Variants in ATG10 observed in about 807,000 individuals in gnomAD.
The protein encoded by ATG10 is ubiquitin-like-conjugating enzyme ATG10.
A neutral mutation model predicts 32.1 loss-of-function variants in ATG10; 30 were observed. The ratio of observed to expected loss-of-function variants is 0.94; its 90% confidence interval spans 0.70 to 1.27. The LOEUF (loss-of-function observed/expected upper bound fraction) is 1.27. ATG10 is among the 50% of genes most tolerant of loss of function. The pLI is 0.00. For missense variants in ATG10, 233 were observed against 262.3 expected (o/e 0.89, Z 0.77); for synonymous variants, 87 against 91.5 (o/e 0.95, Z 0.28).
chr5:81,994,729 A>G (rs1487817880), intron 2 of ATG10, among the ~76,000 whole-genome samples: 1 of 152,218 alleles, frequency 6.6e-6, no homozygotes, highest in Non-Finnish European at 1.5e-5. Flanking sequence ...GCAGTTTTTA[A>G]GATTCTGTCT....
At chr5:82,093,639 C>G (rs937987772) in intron 3 of ATG10, among the ~76,000 whole-genome samples, 23 of 152,078 alleles carry the variant, frequency 1.5e-4, no homozygotes, top group Admixed American at 1.3e-4. Context: ...TTCATTATAG[C>G]TCATATTCTT....
In ATG10 at chr5:82,252,568, C is replaced by G. The variant is rs1747308719; in HGVS notation, c.460C>G (p.Pro154Ala). The G allele has an allele frequency of 6.2e-7, 1 of 1,600,490 alleles. No homozygotes were observed. Among genetic ancestry groups the G allele is most frequent in the Non-Finnish European group, 8.6e-7 (1 of 1,169,216 alleles). Residue 154 changes from proline to alanine, a missense_variant, in exon 6 of 8, where the codon CCA (proline) becomes GCA (alanine). Coordinates refer to ENST00000282185, the MANE Select transcript of ATG10 (RefSeq NM_031482.5). ...PWDTITQQEH[P>A]ILGQPFFVLH... Reference sequence around the variant, plus strand: ...CCAATTCTGATTCTTACAGGAACATCCAATACTTGGGCAACCCTTTTTTGT... The same window carrying G: ...CCAATTCTGATTCTTACAGGAACATGCAATACTTGGGCAACCCTTTTTTGT...
chr5:82,137,429 A>G (rs1190114994), intron 3 of ATG10, among the ~76,000 whole-genome samples: 2 of 152,042 alleles, frequency 1.3e-5, no homozygotes, highest in Admixed American at 6.5e-5. Context: ...TATTGATGCT[A>G]TGTTCCTTTC....
intron 5 of ATG10, among the ~76,000 whole-genome samples, chr5:82,218,666 C>T (rs998830056): frequency 3.3e-5 from 5 of 152,144 alleles, no homozygotes; most frequent in Non-Finnish European, 1.5e-5. Flanking sequence ...CCGTCCATTA[C>T]ATCACTTAAT....
chr5:82,017,375 A>T (rs993062191), intron 2 of ATG10, among the ~76,000 whole-genome samples: 7 of 152,148 alleles, frequency 4.6e-5, no homozygotes, highest in Admixed American at 3.9e-4. Flanking sequence ...TGTCCTCTTT[A>T]CTGATTTGGA....
intron 3 of ATG10, among the ~76,000 whole-genome samples, chr5:82,116,024 A>G (rs1245288006): frequency 1.3e-5 from 2 of 152,104 alleles, no homozygotes; most frequent in African/African-American, 2.4e-5. Flanking sequence ...TTACTGGGAG[A>G]TGGCTATACA....
chr5:82,087,493 G>A (rs1284153718), intron 3 of ATG10, among the ~76,000 whole-genome samples: 1 of 152,102 alleles, frequency 6.6e-6, no homozygotes. Context: ...GCTTTTCCCT[G>A]TGTAGCACTC....
chr5:81,991,215 T>G (rs2149671918), intron 2 of ATG10, among the ~76,000 whole-genome samples: 1 of 152,378 alleles, frequency 6.6e-6, no homozygotes, highest in Non-Finnish European at 1.5e-5. Context: ...GGTTATATCC[T>G]TAAACCTTTC....
At chr5:82,022,973 T>C (rs1197360321) in intron 2 of ATG10, among the ~76,000 whole-genome samples, 1 of 151,224 alleles carries the variant, frequency 6.6e-6, no homozygotes, top group Non-Finnish European at 1.5e-5. Context: ...GCCAACACAA[T>C]GGATCTGGAA....
intron 2 of ATG10, among the ~76,000 whole-genome samples, chr5:82,031,751 G>T (rs1762748825): frequency 6.6e-6 from 1 of 152,214 alleles, no homozygotes; most frequent in African/African-American, 2.4e-5. Flanking sequence ...ACACATAAAA[G>T]GGTTAAGTTG....
intron 1 of ATG10, among the ~76,000 whole-genome samples, chr5:81,981,035 G>C (rs1190288148): frequency 1.3e-5 from 2 of 152,156 alleles, no homozygotes. Context: ...TATTCCAATG[G>C]GAAGGCAAGG....
chr5:82,218,052 T>C (rs1581815223), intron 5 of ATG10, among the ~76,000 whole-genome samples: 1 of 145,186 alleles, frequency 6.9e-6, no homozygotes, highest in African/African-American at 2.6e-5. Context: ...GTTCTCTCTT[T>C]ACACACACAC....
At chr5:82,010,519 T>TTAAC (rs910817956) in intron 2 of ATG10, among the ~76,000 whole-genome samples, 19 of 152,236 alleles carry the variant, frequency 1.2e-4, no homozygotes, top group African/African-American at 3.9e-4. Flanking sequence ...AATTAATTAA[T>TTAAC]TAACTAATTT....
chr5:82,015,794 A>G (rs796078791), intron 2 of ATG10, among the ~76,000 whole-genome samples: 8 of 152,296 alleles, frequency 5.3e-5, no homozygotes, highest in African/African-American at 1.9e-4. Flanking sequence ...AGCTCAGAGA[A>G]GTTTGATCAT....
intron 2 of ATG10, among the ~76,000 whole-genome samples, chr5:82,049,978 A>G (rs1330439633): frequency 2.0e-5 from 3 of 152,144 alleles, no homozygotes; most frequent in Admixed American, 2.0e-4. Context: ...ATGTTTAATA[A>G]TACATAGAGA....
intron 5 of ATG10, chr5:82,242,701 C>A (rs1746853150): frequency 4.6e-5 from 15 of 326,458 alleles, no homozygotes; most frequent in East Asian, 4.3e-4. Context: ...TAAAAAAAAT[C>A]ATTGTAACCT....
At chr5:82,144,359 TA>T (rs1187565283) in intron 3 of ATG10, among the ~76,000 whole-genome samples, 1 of 151,976 alleles carries the variant, frequency 6.6e-6, no homozygotes, top group African/African-American at 2.4e-5. Context: ...TCCTTTCTTT[TA>T]TTTGCCCTGG....
rs140715503 is a variant in ATG10, at chr5:82,071,724, G to A, written c.216+13122G>A. Among the ~76,000 whole-genome samples, 723 of 152,226 alleles carry A rather than the reference G, an allele frequency of 4.7e-3. 4 individuals carry two copies. The highest frequency in any genetic ancestry group is 0.014 in the African/African-American group (571 of 41,536). On this transcript the variant is annotated intron_variant, in intron 3 of 7. Transcript: ENST00000282185. The stretch of plus-strand genomic sequence containing the variant: ...GTCAGTAGAAGGTGAAGAATGTTAA[G>A]TTGTGACTTTAGATTGGGCTGTGAA...
intron 5 of ATG10, among the ~76,000 whole-genome samples, chr5:82,233,479 G>A (rs538623881): frequency 3.7e-4 from 56 of 152,304 alleles, no homozygotes; most frequent in African/African-American, 1.3e-3. Flanking sequence ...ATTTTAAAAT[G>A]TGCCTCTGAG....
Sources: allele counts gnomAD v4.1 joint callset (sites outside exome capture counted in the v4.1 genomes callset), GRCh38; gene constraint gnomAD v4.1.1; transcripts MANE v1.5; gene names NCBI Gene and HGNC (gene_info 2026-07-23, HGNC 2026-07-21).